LINGO2: variants seen among roughly 807,000 people sequenced by gnomAD.
The protein encoded by LINGO2 is leucine-rich repeat and immunoglobulin-like domain-containing nogo receptor-interacting protein 2.
Under a neutral mutation model 30.6 loss-of-function variants are expected in LINGO2, and 14 were observed. The observed-to-expected ratio is 0.46, with a 90% CI of 0.30 to 0.72. The LOEUF (loss-of-function observed/expected upper bound fraction) is 0.72. Ranked by LOEUF, LINGO2 falls within the 30% of genes least tolerant of loss-of-function variation. The pLI is 0.07. For missense variants in LINGO2, 729 were observed against 751.7 expected, an observed-to-expected ratio of 0.97 and a Z score of 0.35; for synonymous variants, 317 against 288.5, an observed-to-expected ratio of 1.10 and a Z score of -1.00.
chr9:28,049,661 T>G (rs762866637), intron 4 of LINGO2, among the ~76,000 whole-genome samples: 8 of 150,670 alleles, frequency 5.3e-5, no homozygotes, highest in Non-Finnish European at 1.2e-4. Flanking sequence ...CAAATTGATA[T>G]AAGGATGAAA....
At chr9:29,079,055 T>C in the LINGO2 span, among the ~76,000 whole-genome samples, 1 of 151,980 alleles carries the variant, frequency 6.6e-6, no homozygotes, top group Non-Finnish European at 1.5e-5. Context: ...CAAATCCAGA[T>C]ATGACTTTCA....
At chr9:29,187,058 TTGTAC>T in the LINGO2 span, among the ~76,000 whole-genome samples, 53 of 152,314 alleles carry the variant, frequency 3.5e-4, no homozygotes, top group Middle Eastern at 0.01. Flanking sequence ...GTTAAGTTCC[TTGTAC>T]CAACTCACAA....
chr9:28,303,026 C>T (rs949428912), intron 3 of LINGO2, among the ~76,000 whole-genome samples: 4 of 152,194 alleles, frequency 2.6e-5, no homozygotes, highest in African/African-American at 9.6e-5. Context: ...TGTCATTTGT[C>T]CTATCAATTT....
chr9:28,664,444 C>G (rs1484288803), intron 1 of LINGO2, among the ~76,000 whole-genome samples: 1 of 151,898 alleles, frequency 6.6e-6, no homozygotes, highest in Non-Finnish European at 1.5e-5. Flanking sequence ...GTAGATTTTA[C>G]GTTGATCAGA....
chr9:28,653,969 T>C (rs984953657), intron 1 of LINGO2, among the ~76,000 whole-genome samples: 4 of 152,266 alleles, frequency 2.6e-5, no homozygotes, highest in Non-Finnish European at 5.9e-5. Context: ...ATGTATGCTT[T>C]TATTGCTAAG....
chr9:28,413,453 A>G lies in LINGO2; in HGVS notation c.-278-40585T>C, dbSNP rs977113529. 3.9e-5 allele frequency among the ~76,000 whole-genome samples: 6 copies of G among 152,128 alleles called. No individual in the cohort carries two copies. The South Asian group carries it at 8.3e-4, about 21-fold the overall frequency. ...ACCACATGCAAACGTAATTAAAGAA[A>G]AGTGATATGCGAACTCTATAGGCTT... On this transcript the variant is annotated intron_variant, in intron 2 of 5. Transcript: ENST00000379992.
chr9:28,659,717 G>A (rs916680320), intron 1 of LINGO2, among the ~76,000 whole-genome samples: 3 of 152,070 alleles, frequency 2.0e-5, no homozygotes, highest in Non-Finnish European at 2.9e-5. Context: ...CCAAACTGCT[G>A]GGATTACAGG....
At chr9:28,755,139 C>T in the LINGO2 span, among the ~76,000 whole-genome samples, 1 of 152,002 alleles carries the variant, frequency 6.6e-6, no homozygotes. Flanking sequence ...GCAAATAATA[C>T]AGCTAAGTCA....
At chr9:27,972,923 T>C (rs1190586982) in intron 5 of LINGO2, among the ~76,000 whole-genome samples, 4 of 152,184 alleles carry the variant, frequency 2.6e-5, no homozygotes, top group Non-Finnish European at 5.9e-5. Context: ...TGGGTGAACA[T>C]TGTTCAATCT....
At chr9:29,149,524 G>C in the LINGO2 span, among the ~76,000 whole-genome samples, 1 of 152,060 alleles carries the variant, frequency 6.6e-6, no homozygotes, top group African/African-American at 2.4e-5. Context: ...CACCGAGAAT[G>C]ACGAGGGAGA....
chr9:28,604,701 T>C (rs1292173511), intron 1 of LINGO2, among the ~76,000 whole-genome samples: 1 of 152,068 alleles, frequency 6.6e-6, no homozygotes, highest in Non-Finnish European at 1.5e-5. Flanking sequence ...AAATGTCTCT[T>C]TGAAATAAGC....
the LINGO2 span, among the ~76,000 whole-genome samples, chr9:29,055,940 G>GTATATATATATATATGTATATATA: frequency 8.3e-6 from 1 of 119,982 alleles, no homozygotes; most frequent in African/African-American, 3.2e-5. Flanking sequence ...ATGTGTGTGT[G>GTATATATATATATATGTATATATA]TATATATACA....
chr9:28,029,931 G>C (rs1003947589), intron 4 of LINGO2, among the ~76,000 whole-genome samples: 9 of 152,172 alleles, frequency 5.9e-5, no homozygotes, highest in African/African-American at 2.2e-4. Context: ...GAAATAGGAA[G>C]ATTCCTACTG....
the LINGO2 span, among the ~76,000 whole-genome samples, chr9:29,103,644 A>T: frequency 6.6e-6 from 1 of 152,190 alleles, no homozygotes; most frequent in Non-Finnish European, 1.5e-5. Flanking sequence ...AAATATCAAT[A>T]CTTTCTTTCT....
At chr9:28,554,148 A>G (rs1378269727) in intron 1 of LINGO2, among the ~76,000 whole-genome samples, 12 of 151,484 alleles carry the variant, frequency 7.9e-5, no homozygotes, top group African/African-American at 2.4e-4. Flanking sequence ...ACACATAACC[A>G]TATTAACTTT....
chr9:28,832,460 T>C, the LINGO2 span, among the ~76,000 whole-genome samples: 3 of 152,160 alleles, frequency 2.0e-5, no homozygotes, highest in Admixed American at 6.6e-5. Context: ...CTGGAGCTGA[T>C]AGAGTATACA....
chr9:28,703,316 T>C, the LINGO2 span, among the ~76,000 whole-genome samples: 1 of 151,944 alleles, frequency 6.6e-6, no homozygotes, highest in Non-Finnish European at 1.5e-5. Context: ...AAAAGTTGTA[T>C]TTTCATTGCC....
At chr9:29,187,076 C>T in the LINGO2 span, among the ~76,000 whole-genome samples, 36 of 152,126 alleles carry the variant, frequency 2.4e-4, no homozygotes, top group Non-Finnish European at 4.9e-4. Context: ...ACTCACAAAG[C>T]TAGCAAAATA....
At chr9:28,392,207 TAAAC>T (rs1403019771) in intron 2 of LINGO2, among the ~76,000 whole-genome samples, 4 of 152,204 alleles carry the variant, frequency 2.6e-5, no homozygotes, top group South Asian at 2.1e-4. Flanking sequence ...ATCTCAAAAA[TAAAC>T]AAACAAAAAT....
Sources: allele counts gnomAD v4.1 joint callset (sites outside exome capture counted in the v4.1 genomes callset), GRCh38; gene constraint gnomAD v4.1.1; transcripts MANE v1.5; gene names NCBI Gene and HGNC (gene_info 2026-07-23, HGNC 2026-07-21).